Variants in CFAP46 observed in about 807,000 individuals in gnomAD.
The protein encoded by CFAP46 is cilia- and flagella-associated protein 46.
CFAP46 carries 245 observed loss-of-function variants against 325.7 expected under a neutral mutation model. The observed-to-expected ratio is 0.75, with a 90% CI of 0.68 to 0.84. The LOEUF is 0.84. CFAP46 is among the 40% of genes least tolerant of loss of function. The pLI is 0.00. For synonymous variants in CFAP46, 1,523 were observed against 1,495.9 expected, an observed-to-expected ratio of 1.02 and a Z score of -0.42; for missense variants, 3,346 against 3,543.0, an observed-to-expected ratio of 0.94 and a Z score of 1.41.
At chr10:132,931,634 C>T (rs1295910060) in intron 8 of CFAP46, among the ~76,000 whole-genome samples, 1 of 140,244 alleles carries the variant, frequency 7.1e-6, no homozygotes, top group Non-Finnish European at 1.5e-5. Flanking sequence ...ACACTTTTCA[C>T]ACAGAGCCTG....
intron 22 of CFAP46, among the ~76,000 whole-genome samples, chr10:132,901,153 A>C (rs916568905): frequency 2.0e-5 from 3 of 151,958 alleles, no homozygotes; most frequent in African/African-American, 7.3e-5. Context: ...TCTTGCTCCT[A>C]TGTTCTGTAT....
At chr10:132,810,684 C>G in intron 56 of CFAP46, 195 bp from the exon 57 acceptor site, 1 of 733,228 alleles carries the variant, frequency 1.4e-6, no homozygotes, top group Non-Finnish European at 2.5e-6. Flanking sequence ...AGCAGGATGG[C>G]CGCCTCAACG....
intron 31 of CFAP46, among the ~76,000 whole-genome samples, chr10:132,875,436 C>T (rs1256028579): frequency 6.6e-6 from 1 of 152,180 alleles, no homozygotes; most frequent in African/African-American, 2.4e-5. Flanking sequence ...AGGAATAGCC[C>T]AACCGTCCTG....
chr10:132,923,782 T>C (rs1016358860), intron 11 of CFAP46, among the ~76,000 whole-genome samples: 1 of 152,134 alleles, frequency 6.6e-6, no homozygotes, highest in African/African-American at 2.4e-5. Flanking sequence ...TATGTGTCTG[T>C]GTGAAATGAG....
rs1338918428 is a variant in CFAP46, at chr10:132,920,166, G to T, written c.1623C>A (p.Asn541Lys). Residue 541 changes from asparagine to lysine, a missense_variant, in exon 14 of 58, where the codon AAC becomes AAA. Transcript: ENST00000368586. ...ENEAKVSTGK[N>K]RGRFTYLCAK... Reference sequence around the variant, plus strand: ...CACAGAGGTAGGTGAACCGGCCCCTGTTCTTCCCGGTGGAGACTGAGGGCG... The same window carrying T: ...CACAGAGGTAGGTGAACCGGCCCCTTTTCTTCCCGGTGGAGACTGAGGGCG... 1 of 1,543,886 alleles carries T rather than the reference G, an allele frequency of 6.5e-7. No homozygotes were observed. Among genetic ancestry groups the T allele is most frequent in the African/African-American group, 1.4e-5 (1 of 72,664 alleles).
rs149342688 is a variant in CFAP46 at position 132,809,978 on chromosome 10, G to A, written c.7664+431C>T. On this transcript the variant is annotated intron_variant, in intron 57 of 57. Coordinates refer to ENST00000368586, the MANE Select transcript of CFAP46 (RefSeq NM_001200049.3). ...GGACTCCTGGTCATATCAAGGGGCC[G>A]TCGGGCACTGTGGTGCAAGCTGTCG... Among the ~76,000 whole-genome samples the A allele has an allele frequency of 3.9e-3, 599 of 152,328 alleles. 4 individuals are homozygous for A. The highest frequency in any genetic ancestry group is 0.026 in the South Asian group (127 of 4,828).
chr10:132,924,892 G>A lies in CFAP46; in HGVS notation c.1066-6C>T. On this transcript the variant is annotated splice_polypyrimidine_tract_variant and splice_region_variant and intron_variant, in intron 10 of 57. Coordinates refer to ENST00000368586, the MANE Select transcript of CFAP46 (RefSeq NM_001200049.3). ...TGTATGATATCCAGCTGGGCCTGCG[G>A]AGAAGACGTGGGGGATTCTAGGGAG... is the stretch of plus-strand genomic sequence containing the variant. 1 of 1,377,450 alleles carries A rather than the reference G, an allele frequency of 7.3e-7. No homozygotes were observed. The highest frequency in any genetic ancestry group is 9.4e-7 in the Non-Finnish European group (1 of 1,058,462). The allele number at this position is 1,377,450 out of a possible 1,614,324, so 85.3% of individuals were successfully genotyped here.
In CFAP46 at chr10:132,817,737, TG is replaced by T. The variant is rs1847721058; in HGVS notation, c.7118-2824del. Among the ~76,000 whole-genome samples the T allele has an allele frequency of 6.6e-6, 1 of 151,362 alleles. No individual in the cohort carries two copies. The highest frequency in any genetic ancestry group is 2.1e-4 in the South Asian group (1 of 4,830). ...GGCAGCCCGGCTTTCAGTGACTCTG[TG>T]GTGAGGGTTCTGTTAGTTTGTGTGG... On this transcript the variant is annotated intron_variant, in intron 50 of 57. Transcript: ENST00000368586. This position sits in a 1 kb window ranked among gnomAD's most constrained non-coding sequence, Gnocchi z 4.4.
chr10:132,903,388 G>A (rs1269714270), intron 22 of CFAP46, among the ~76,000 whole-genome samples: 1 of 152,266 alleles, frequency 6.6e-6, no homozygotes, highest in East Asian at 1.9e-4. Context: ...GTCACATCCT[G>A]GACACCTCAG....
At chr10:132,852,473 T>G (rs36015872) in intron 39 of CFAP46, among the ~76,000 whole-genome samples, 2 of 144,568 alleles carry the variant, frequency 1.4e-5, no homozygotes, top group African/African-American at 5.2e-5. Flanking sequence ...TGTTCCTCCA[T>G]TTACTTAGGA....
chr10:132,814,983 G>T, intron 50 of CFAP46, 69 bp from the exon 51 acceptor site: 2 of 1,377,722 alleles, frequency 1.5e-6, no homozygotes, highest in Non-Finnish European at 2.0e-6. Flanking sequence ...CCACACGGTC[G>T]GTTAATTTCA....
chr10:132,843,951 G>T (rs1848391579), intron 44 of CFAP46, among the ~76,000 whole-genome samples: 1 of 137,008 alleles, frequency 7.3e-6, no homozygotes, highest in Non-Finnish European at 1.6e-5. Context: ...TCTGGTCTCA[G>T]TGGGTGTTCC....
Position 132,881,277 on chromosome 10 carries a change from G to A in CFAP46, c.3628-245C>T, listed in dbSNP as rs554796459. On this transcript the variant is annotated intron_variant, in intron 27 of 57. Coordinates refer to ENST00000368586, the MANE Select transcript of CFAP46 (RefSeq NM_001200049.3). ...CTGCAGCTTGGCGAATTCCTTCCCCGTCTCCTCACCCTTTGCAGATGCCAC... is the reference window on the plus strand; with the variant it reads ...CTGCAGCTTGGCGAATTCCTTCCCCATCTCCTCACCCTTTGCAGATGCCAC... Among the ~76,000 whole-genome samples the A allele has an allele frequency of 2.2e-3, 338 of 152,206 alleles. 6 individuals are homozygous for A. In the South Asian group the frequency reaches 0.06, roughly 27 times the overall value.
rs190575167 is a variant in CFAP46 at position 132,850,341 on chromosome 10, C to T, written c.5855G>A (p.Arg1952His). ...CCCGGCCAGGCCCAGGAGCCGGGCG[C>T]GGATCTCCACACAGCCCACGCTCAG... ...QPLSVGCVEI[R>H]ARLLGLAGRA... is the part of the protein sequence containing the mutation. Residue 1952 changes from arginine to histidine, a missense_variant, in exon 41 of 58, where the codon CGC becomes CAC. Transcript: ENST00000368586. The T allele has an allele frequency of 4.6e-5, 72 of 1,556,568 alleles. No individual in the cohort carries two copies. The Admixed American group carries it at 8.8e-4, about 19-fold the overall frequency.
intron 19 of CFAP46, among the ~76,000 whole-genome samples, chr10:132,910,374 C>T (rs975678406): frequency 6.6e-6 from 1 of 152,236 alleles, no homozygotes; most frequent in African/African-American, 2.4e-5. Flanking sequence ...ACCCCTCCCC[C>T]ACTGCAGCTG....
chr10:132,829,995 A>C (rs1033373044), intron 50 of CFAP46, among the ~76,000 whole-genome samples: 2 of 151,002 alleles, frequency 1.3e-5, no homozygotes, highest in Non-Finnish European at 2.9e-5. Context: ...TTTTTTTTTA[A>C]TCTCCTAATG....
Position 132,833,487 on chromosome 10 carries a change from C to T in CFAP46, c.6988G>A (p.Val2330Ile), listed in dbSNP as rs1848185231. The T allele has an allele frequency of 6.2e-7, 1 of 1,614,064 alleles. No individual in the cohort carries two copies. Residue 2330 changes from valine (V) to isoleucine (I), a missense_variant, in exon 50 of 58, where the codon GTC (valine) becomes ATC (isoleucine). Coordinates refer to ENST00000368586, the MANE Select transcript of CFAP46 (RefSeq NM_001200049.3). ...QPEVADKIVL[V>I]ADRHLLELPL... Reference sequence around the variant, plus strand: ...AGCTCCAGGAGATGTCTGTCTGCGACCAGGACTATCTTATCGGCAACCTCA... The same window carrying T: ...AGCTCCAGGAGATGTCTGTCTGCGATCAGGACTATCTTATCGGCAACCTCA...
At position 132,885,818 on chromosome 10, in the gene CFAP46, C is replaced by T. The variant is rs1011999267; in HGVS notation, c.3443+3G>A. On this transcript the variant is annotated splice_donor_region_variant and intron_variant, in intron 26 of 57. Coordinates refer to ENST00000368586, the MANE Select transcript of CFAP46 (RefSeq NM_001200049.3). The stretch of plus-strand genomic sequence containing the variant: ...ACTCACAGGCGGTGGGGGGAGCACT[C>T]ACAGGCGGTGGGCCGTCCTTGGCAG... 13 of 1,545,754 alleles carry T rather than the reference C, an allele frequency of 8.4e-6. No individual in the cohort carries two copies. The highest frequency in any genetic ancestry group is 1.4e-5 in the African/African-American group (1 of 72,754).
chr10:132,821,968 GCGC>G (rs1266646885), intron 50 of CFAP46, among the ~76,000 whole-genome samples: 52 of 140,446 alleles, frequency 3.7e-4, no homozygotes, highest in African/African-American at 1.3e-3. Context: ...TGCTGTGTGT[GCGC>G]TGATGTGTGC....
Sources: gnomAD v4.1 joint callset for allele counts (sites outside exome capture counted in the v4.1 genomes callset) on GRCh38, gnomAD v4.1.1 for gene constraint, Gnocchi (gnomAD v3.1) non-coding constraint, MANE v1.5 for transcripts, NCBI Gene and HGNC (gene_info 2026-07-23, HGNC 2026-07-21) for gene names.